The following MTCL1 variants were observed in gnomAD, a reference collection of about 807,000 sequenced individuals.
MTCL1 encodes the protein microtubule crosslinking factor 1, also known as microtubule cross-linking factor 1.
Under a neutral mutation model 141.4 loss-of-function variants are expected in MTCL1, and 79 were observed. That is an observed-to-expected ratio of 0.56 (90% CI 0.47 to 0.67). The LOEUF is 0.67. Ranked by LOEUF, MTCL1 falls within the 30% of genes least tolerant of loss-of-function variation. The pLI is 0.00. For synonymous variants in MTCL1, 914 were observed against 875.8 expected, an observed-to-expected ratio of 1.04 and a Z score of -0.77; for missense variants, 2,177 against 2,113.9, an observed-to-expected ratio of 1.03 and a Z score of -0.59.
At chr18:8,782,472 A>T (rs1452920966) in intron 5 of MTCL1, 2 of 152,246 alleles carry the variant, frequency 1.3e-5, no homozygotes, top group Admixed American at 1.3e-4. Flanking sequence ...CAAAACAAGG[A>T]GACCAGCCCT....
At chr18:8,737,518 A>C (rs1302454854) in intron 4 of MTCL1, among the ~76,000 whole-genome samples, 1 of 152,182 alleles carries the variant, frequency 6.6e-6, no homozygotes, top group Non-Finnish European at 1.5e-5. Context: ...ATGTTCTTGA[A>C]ACTCTTCTCA....
intron 10 of MTCL1, among the ~76,000 whole-genome samples, chr18:8,799,983 C>T (rs950960392): frequency 7.2e-5 from 11 of 152,174 alleles, no homozygotes; most frequent in African/African-American, 2.2e-4. Flanking sequence ...GATAGAAGCA[C>T]GTGGCGGGGT....
At chr18:8,706,817 C>T in intron 1 of MTCL1, 104 bp downstream of exon 1, 1 of 1,480,176 alleles carries the variant, frequency 6.8e-7, no homozygotes, top group Non-Finnish European at 8.9e-7. Flanking sequence ...AGCGCCTTCT[C>T]CCTCCTGCTC....
chr18:8,786,326 G>A, intron 7 of MTCL1: 1 of 696,090 alleles, frequency 1.4e-6, no homozygotes. Flanking sequence ...GCTCACTGTA[G>A]GCACTGTCCA....
intron 15 of MTCL1, among the ~76,000 whole-genome samples, chr18:8,827,958 G>T (rs113705014): frequency 6.6e-6 from 1 of 152,336 alleles, no homozygotes; most frequent in Non-Finnish European, 1.5e-5. Context: ...CAAAAGAGAT[G>T]ATGTGAAGGG....
At chr18:8,760,060 C>G (rs1362200133) in intron 4 of MTCL1, among the ~76,000 whole-genome samples, 1 of 152,154 alleles carries the variant, frequency 6.6e-6, no homozygotes, top group African/African-American at 2.4e-5. Flanking sequence ...TGGGAGTCAC[C>G]AAAATCCCAA....
intron 4 of MTCL1, among the ~76,000 whole-genome samples, chr18:8,754,761 T>G (rs1441434267): frequency 6.6e-6 from 1 of 152,210 alleles, no homozygotes; most frequent in African/African-American, 2.4e-5. Flanking sequence ...CAATTCTGTT[T>G]TATATTCTCT....
chr18:8,724,931 C>T (rs1416848882), intron 4 of MTCL1, among the ~76,000 whole-genome samples: 6 of 151,382 alleles, frequency 4.0e-5, no homozygotes, highest in African/African-American at 9.7e-5. Context: ...GGCACCCACA[C>T]GCCCTCTGCT....
chr18:8,816,767 G>A (rs780332429), intron 12 of MTCL1, among the ~76,000 whole-genome samples: 22 of 152,136 alleles, frequency 1.4e-4, no homozygotes, highest in Non-Finnish European at 2.6e-4. Context: ...TGACACTCTC[G>A]AGGGTTTATT....
intron 1 of MTCL1, among the ~76,000 whole-genome samples, chr18:8,708,698 C>T (rs2096070852): frequency 6.6e-6 from 1 of 152,204 alleles, no homozygotes; most frequent in African/African-American, 2.4e-5. Context: ...TCTAGGGGCC[C>T]TCTGTTTTCT....
intron 6 of MTCL1, among the ~76,000 whole-genome samples, 180 bp downstream of exon 5, chr18:8,785,023 T>G (rs1380039203): frequency 2.9e-5 from 4 of 138,892 alleles, no homozygotes; most frequent in Non-Finnish European, 6.0e-5. Context: ...TTTTTTTTGT[T>G]TTTTTTTTTT....
chr18:8,723,872 A>C (rs2096189821), intron 4 of MTCL1, among the ~76,000 whole-genome samples: 1 of 152,164 alleles, frequency 6.6e-6, no homozygotes, highest in South Asian at 2.1e-4. Context: ...ATGAACCTTG[A>C]AAATCTGCTA....
chr18:8,715,696 A>G (rs888856848), upstream of MTCL1, among the ~76,000 whole-genome samples: 3 of 152,206 alleles, frequency 2.0e-5, no homozygotes, highest in African/African-American at 7.2e-5. Context: ...TGATTTTTGA[A>G]GATTCAGAAC....
intron 16 of MTCL1, chr18:8,829,313 T>C (rs1196892604): frequency 4.4e-5 from 43 of 984,970 alleles, no homozygotes. Context: ...CCTGAGGGGG[T>C]CTTTGGGCCC....
At position 8,705,811 on chromosome 18, in the gene MTCL1, G is replaced by A. The variant is rs2096056885; in HGVS notation, c.151G>A (p.Asp51Asn). 8.4e-7 allele frequency: 1 copy of A among 1,188,906 alleles called. No individual in the cohort carries two copies. The highest frequency in any genetic ancestry group is 4.5e-5 in the Admixed American group (1 of 22,064). 73.6% of individuals were successfully genotyped at this position (1,188,906 alleles called of 1,614,324 possible). The change falls in exon 1 of 14, where the codon GAC (aspartate) becomes AAC (asparagine). Residue 51 changes from aspartate to asparagine, a missense_variant. Asp to Asn is a conservative substitution (Grantham distance 23). Transcript: ENST00000306329. The surrounding 1 kb of genome is among the most constrained non-coding windows in gnomAD (Gnocchi z 5.2). ...CTCGCCCGCCAGACCCTTCCTCAAGGACCTGCACGCCCGGCCCGCCGCGCC... is the reference window on the plus strand; with the variant it reads ...CTCGCCCGCCAGACCCTTCCTCAAGAACCTGCACGCCCGGCCCGCCGCGCC...
chr18:8,730,980 C>G (rs914622772), intron 4 of MTCL1, among the ~76,000 whole-genome samples: 1 of 152,192 alleles, frequency 6.6e-6, no homozygotes, highest in African/African-American at 2.4e-5. Flanking sequence ...TGCGGTGGCT[C>G]ACGTCTGTTT....
intron 3 of MTCL1, among the ~76,000 whole-genome samples, chr18:8,719,850 AACTT>A (rs1261237693): frequency 2.0e-5 from 3 of 152,120 alleles, no homozygotes; most frequent in Non-Finnish European, 4.4e-5. Context: ...GATTACAGGC[AACTT>A]ACTTGTTTTG....
intron 6 of MTCL1, among the ~76,000 whole-genome samples, chr18:8,785,388 C>T (rs554401746): frequency 2.0e-4 from 31 of 152,312 alleles, no homozygotes; most frequent in African/African-American, 5.8e-4. Flanking sequence ...GCGAGGAGCA[C>T]GGTGCTGAGA....
exon 6 of MTCL1, chr18:8,784,801 C>T: frequency 6.2e-7 from 1 of 1,608,186 alleles, no homozygotes; most frequent in Non-Finnish European, 8.5e-7. Context: ...CCCGGGACTC[C>T]CCCATCGGGA....
Sources: gnomAD v4.1 joint callset for allele counts (sites outside exome capture counted in the v4.1 genomes callset) on GRCh38, gnomAD v4.1.1 for gene constraint, Gnocchi (gnomAD v3.1) non-coding constraint, MANE v1.5 for transcripts, NCBI Gene and HGNC (gene_info 2026-07-23, HGNC 2026-07-21) for gene names.